The following CPQ variants were observed in gnomAD, a reference collection of about 807,000 sequenced individuals.
CPQ encodes Ser-Met dipeptidase.
A neutral mutation model predicts 45.7 loss-of-function variants in CPQ; 37 were observed. The ratio of observed to expected loss-of-function variants is 0.81; its 90% CI spans 0.62 to 1.07. CPQ has a LOEUF of 1.07. CPQ is among the 50% of genes least tolerant of loss of function. The pLI, the probability that CPQ is intolerant of heterozygous loss-of-function variation, is 0.00. For missense variants in CPQ, 537 were observed against 572.9 expected (o/e 0.94, Z 0.64); for synonymous variants, 186 against 205.8 (o/e 0.90, Z 0.82).
chr8:97,095,339 G>C (rs945301943), intron 7 of CPQ, among the ~76,000 whole-genome samples: 1 of 152,118 alleles, frequency 6.6e-6, no homozygotes, highest in East Asian at 1.9e-4. Context: ...TGAAAACTTG[G>C]CATTGACTTA....
chr8:96,942,245 T>G (rs982395451), intron 4 of CPQ, among the ~76,000 whole-genome samples: 1 of 152,196 alleles, frequency 6.6e-6, no homozygotes, highest in Non-Finnish European at 1.5e-5. Context: ...TCCCATTCCC[T>G]TCTTTCATCC....
intron 4 of CPQ, among the ~76,000 whole-genome samples, chr8:96,916,395 C>A (rs1394590840): frequency 6.6e-6 from 1 of 152,078 alleles, no homozygotes; most frequent in Non-Finnish European, 1.5e-5. Flanking sequence ...AACTTTATTT[C>A]TTCCCAGAGT....
At chr8:97,130,816 T>C (rs1040441884) in intron 7 of CPQ, among the ~76,000 whole-genome samples, 5 of 152,204 alleles carry the variant, frequency 3.3e-5, no homozygotes, top group Admixed American at 3.3e-4. Context: ...TGTTTTGGAA[T>C]TCACAAAGCT....
chr8:96,780,603 A>G (rs1288974882), intron 1 of CPQ, among the ~76,000 whole-genome samples: 1 of 152,158 alleles, frequency 6.6e-6, no homozygotes, highest in Non-Finnish European at 1.5e-5. Flanking sequence ...TTTATTTTTC[A>G]ACTTAAGTCA....
chr8:96,739,977 A>AC (rs1810058835), intron 1 of CPQ, among the ~76,000 whole-genome samples: 1 of 152,146 alleles, frequency 6.6e-6, no homozygotes, highest in African/African-American at 2.4e-5. Flanking sequence ...ACTTTAAAGT[A>AC]GTTTTTTCCA....
intron 5 of CPQ, among the ~76,000 whole-genome samples, chr8:97,014,976 A>G (rs1809554522): frequency 1.3e-5 from 2 of 152,176 alleles, no homozygotes; most frequent in African/African-American, 4.8e-5. Flanking sequence ...TTCTCATCTC[A>G]GTTGCTTGTT....
At chr8:96,889,948 A>G (rs1812351906) in intron 4 of CPQ, among the ~76,000 whole-genome samples, 1 of 152,212 alleles carries the variant, frequency 6.6e-6, no homozygotes, top group African/African-American at 2.4e-5. Context: ...CACATCCAAG[A>G]ATAATACTTT....
intron 1 of CPQ, among the ~76,000 whole-genome samples, chr8:96,655,310 G>A (rs1169995835): frequency 6.6e-6 from 1 of 151,900 alleles, no homozygotes; most frequent in African/African-American, 2.4e-5. Context: ...CAAATATTCT[G>A]TATTTAGCTC....
At chr8:97,074,845 C>T (rs973506489) in intron 7 of CPQ, among the ~76,000 whole-genome samples, 3 of 151,944 alleles carry the variant, frequency 2.0e-5, no homozygotes, top group African/African-American at 7.2e-5. Context: ...AGGCAGGTGT[C>T]CCTGTGGGGC....
At chr8:97,011,966 A>C (rs537794024) in intron 5 of CPQ, among the ~76,000 whole-genome samples, 10 of 152,294 alleles carry the variant, frequency 6.6e-5, no homozygotes, top group African/African-American at 2.4e-4. Context: ...CCAGAAAAAT[A>C]ATAATTTTAA....
chr8:96,828,354 G>A (rs888812908), intron 2 of CPQ, among the ~76,000 whole-genome samples: 2 of 151,810 alleles, frequency 1.3e-5, no homozygotes, highest in African/African-American at 4.8e-5. Flanking sequence ...CCCTGCAAAC[G>A]TGGCCAGCCT....
At chr8:96,991,551 G>GTAA (rs1202054724) in intron 5 of CPQ, among the ~76,000 whole-genome samples, 3 of 114,614 alleles carry the variant, frequency 2.6e-5, no homozygotes, top group South Asian at 3.1e-4. Flanking sequence ...ACAAGAGTCT[G>GTAA]TCATAATAAT....
chr8:96,713,941 C>A (rs1388695433), intron 1 of CPQ, among the ~76,000 whole-genome samples: 1 of 152,150 alleles, frequency 6.6e-6, no homozygotes, highest in Non-Finnish European at 1.5e-5. Context: ...GATAGTTATT[C>A]TTTTTAAGAG....
At chr8:96,922,024 T>G (rs1157728317) in intron 4 of CPQ, among the ~76,000 whole-genome samples, 1 of 152,156 alleles carries the variant, frequency 6.6e-6, no homozygotes, top group Non-Finnish European at 1.5e-5. Flanking sequence ...AAATTTTACT[T>G]TAAGATATGG....
intron 4 of CPQ, among the ~76,000 whole-genome samples, chr8:96,898,682 C>A (rs1420244148): frequency 6.8e-6 from 1 of 147,818 alleles, no homozygotes; most frequent in Non-Finnish European, 1.5e-5. Flanking sequence ...TGCTAGATGA[C>A]ACATTAGTGG....
chr8:97,006,819 G>A (rs1049211895), intron 5 of CPQ, among the ~76,000 whole-genome samples: 2 of 152,188 alleles, frequency 1.3e-5, no homozygotes, highest in Non-Finnish European at 2.9e-5. Flanking sequence ...GACAGCCTCT[G>A]AAGGGGGCCT....
rs767066651 is a variant in CPQ at position 97,143,020 on chromosome 8, G to A, written c.1256G>A (p.Gly419Glu). 4 of 1,613,422 alleles carry A rather than the reference G, an allele frequency of 2.5e-6. No individual in the cohort carries two copies. In the South Asian group the frequency reaches 4.4e-5, roughly 18 times the overall value. ...INFWIQAGVPGASLLDDLYKY... is the reference protein window; with the variant it reads ...INFWIQAGVPEASLLDDLYKY... ...AGAATTCTTCCTCTTTTATCCCCAG[G>A]AGCCAGTCTACTTGATGACTTATAC... Residue 419 changes from glycine to glutamate, a missense_variant and splice_region_variant, in exon 8 of 8, where the codon GGA becomes GAA. Gly to Glu is a moderately conservative substitution (Grantham distance 98). Transcript: ENST00000220763.
At chr8:96,682,239 G>A (rs1809161830) in intron 1 of CPQ, among the ~76,000 whole-genome samples, 1 of 152,140 alleles carries the variant, frequency 6.6e-6, no homozygotes, top group African/African-American at 2.4e-5. Context: ...TTGTGGGGGG[G>A]ACCCAGTGGG....
Position 96,652,714 on chromosome 8 carries a change from G to A in CPQ, c.-35+7312G>A, listed in dbSNP as rs187259724. Among the ~76,000 whole-genome samples the A allele has an allele frequency of 1.8e-3, 269 of 152,184 alleles. 4 individuals are homozygous for A. The highest frequency in any genetic ancestry group is 0.013 in the Admixed American group (194 of 15,282). ...GTGGCGCCATCTCTGCTCACTGCAA[G>A]CTCCGCCTCCCGGGTTCACGCCATT... On this transcript the variant is annotated intron_variant, in intron 1 of 7. Coordinates refer to ENST00000220763, the MANE Select transcript of CPQ (RefSeq NM_016134.4).
Sources: allele counts gnomAD v4.1 joint callset (sites outside exome capture counted in the v4.1 genomes callset), GRCh38; gene constraint gnomAD v4.1.1; transcripts MANE v1.5; gene names NCBI Gene and HGNC (gene_info 2026-07-23, HGNC 2026-07-21).